Variants in STAC observed in about 807,000 individuals in gnomAD.
The protein encoded by STAC is SH3 and cysteine rich domain.
A neutral mutation model predicts 48.8 loss-of-function variants in STAC; 43 were observed. The ratio of observed to expected loss-of-function variants is 0.88; its 90% CI spans 0.69 to 1.14. The LOEUF (loss-of-function observed/expected upper bound fraction) is 1.14, where lower values mean the gene tolerates loss of function less well. Among genes scored for constraint, STAC ranks in the 50% most tolerant of loss-of-function variants. STAC has a pLI of 0.00. For synonymous variants in STAC, 193 were observed against 179.5 expected, an observed-to-expected ratio of 1.07 and a Z score of -0.60; for missense variants, 497 against 504.0, an observed-to-expected ratio of 0.99 and a Z score of 0.13.
At chr3:36,434,150 C>A (rs1383584127) in intron 1 of STAC, among the ~76,000 whole-genome samples, 1 of 152,182 alleles carries the variant, frequency 6.6e-6, no homozygotes, top group Admixed American at 6.5e-5. Context: ...ACTACACCAT[C>A]AGCCAAACTT....
intron 1 of STAC, among the ~76,000 whole-genome samples, chr3:36,410,031 T>C (rs1700162043): frequency 6.6e-6 from 1 of 152,202 alleles, no homozygotes; most frequent in African/African-American, 2.4e-5. Flanking sequence ...AGTGATTTGC[T>C]GAATTTGTCA....
intron 1 of STAC, among the ~76,000 whole-genome samples, chr3:36,405,268 CCT>C (rs1559479467): frequency 1.3e-5 from 2 of 152,176 alleles, no homozygotes; most frequent in Non-Finnish European, 2.9e-5. Flanking sequence ...GCTTGCTACC[CCT>C]GACTTACTGT....
chr3:36,530,683 C>T (rs1364869793), intron 10 of STAC, among the ~76,000 whole-genome samples: 2 of 150,478 alleles, frequency 1.3e-5, no homozygotes, highest in Non-Finnish European at 3.0e-5. Flanking sequence ...GCAACCTCCA[C>T]CTCCCAGGTT....
chr3:36,482,913 C>T (rs2290530), intron 2 of STAC, 79 bp from the exon 3 acceptor site: 98,736 of 956,518 alleles, frequency 0.1, 6,510 homozygotes, highest in East Asian at 0.28. Context: ...CCTGGGGAAC[C>T]TCATTTTCTG....
chr3:36,424,882 GAATA>G (rs952555431), intron 1 of STAC, among the ~76,000 whole-genome samples: 33 of 151,922 alleles, frequency 2.2e-4, no homozygotes, highest in Non-Finnish European at 3.5e-4. Context: ...ATAACTTAAT[GAATA>G]AATAAATAAA....
chr3:36,533,969 A>T (rs1481161909), intron 10 of STAC, among the ~76,000 whole-genome samples: 1 of 152,216 alleles, frequency 6.6e-6, no homozygotes, highest in Non-Finnish European at 1.5e-5. Flanking sequence ...TAATAAAGAT[A>T]GTATCAATTT....
At chr3:36,396,555 A>G (rs1031573420) in intron 1 of STAC, among the ~76,000 whole-genome samples, 2 of 152,246 alleles carry the variant, frequency 1.3e-5, no homozygotes, top group Admixed American at 6.5e-5. Context: ...ATGCTCAGGA[A>G]AGGAGTCATC....
chr3:36,512,728 G>A (rs1297405650), intron 8 of STAC, among the ~76,000 whole-genome samples: 1 of 152,154 alleles, frequency 6.6e-6, no homozygotes, highest in Non-Finnish European at 1.5e-5. Context: ...CCATTCCCAG[G>A]AGTGAAATGT....
chr3:36,427,293 T>C (rs1700588628), intron 1 of STAC, among the ~76,000 whole-genome samples: 1 of 152,196 alleles, frequency 6.6e-6, no homozygotes, highest in Non-Finnish European at 1.5e-5. Flanking sequence ...CACATCCCAA[T>C]ATGCATCATA....
chr3:36,401,966 C>CTCATTTCACAGATGACAAAACTATAGAGG lies in STAC; in HGVS notation c.111+21214_111+21242dup, dbSNP rs1418008015. On this transcript the variant is annotated intron_variant, in intron 1 of 10. Transcript: ENST00000273183. ...ATTTAGGTACATCATTTTATTTAGT[C>CTCATTTCACAGATGACAAAACTATAGAGG]TCATTTCACAGATGACAAAACTATA... Among the ~76,000 whole-genome samples, 20 of 152,122 alleles carry CTCATTTCACAGATGACAAAACTATAGAGG rather than the reference C, an allele frequency of 1.3e-4. 1 individual carries two copies. Among genetic ancestry groups the CTCATTTCACAGATGACAAAACTATAGAGG allele is most frequent in the African/African-American group, 4.8e-4 (20 of 41,438 alleles).
chr3:36,449,089 A>G (rs1054066459), intron 2 of STAC, among the ~76,000 whole-genome samples: 2 of 152,260 alleles, frequency 1.3e-5, no homozygotes, highest in Admixed American at 1.3e-4. Flanking sequence ...ACTGCACTCC[A>G]GCCTGGGCAA....
intron 1 of STAC, among the ~76,000 whole-genome samples, chr3:36,426,796 T>C (rs1179638055): frequency 6.6e-6 from 1 of 152,186 alleles, no homozygotes; most frequent in Non-Finnish European, 1.5e-5. Flanking sequence ...CCCTCAGCTA[T>C]TAGCTTTATT....
intron 5 of STAC, among the ~76,000 whole-genome samples, chr3:36,487,481 TTC>T (rs1299332853): frequency 6.6e-6 from 1 of 152,214 alleles, no homozygotes; most frequent in African/African-American, 2.4e-5. Flanking sequence ...CATCAGATAG[TTC>T]TTTCTTCTAC....
At chr3:36,531,170 C>A (rs79536445) in intron 10 of STAC, among the ~76,000 whole-genome samples, 1 of 151,994 alleles carries the variant, frequency 6.6e-6, no homozygotes, top group Non-Finnish European at 1.5e-5. Flanking sequence ...GATTTGGTAC[C>A]ACGTATTTAG....
At chr3:36,522,891 A>G (rs941548646) in intron 8 of STAC, among the ~76,000 whole-genome samples, 9 of 152,294 alleles carry the variant, frequency 5.9e-5, no homozygotes, top group Admixed American at 5.9e-4. Context: ...CCAAGACCCC[A>G]CCCTGGAAGA....
At chr3:36,398,336 A>C (rs74571964) in intron 1 of STAC, among the ~76,000 whole-genome samples, 4,809 of 113,150 alleles carry the variant, frequency 0.043, 147 homozygotes, top group Non-Finnish European at 0.068. Context: ...AGAAAGAAAG[A>C]AAGAAAGAAA....
chr3:36,525,296 T>C (rs1376403769), intron 8 of STAC, among the ~76,000 whole-genome samples: 1 of 152,172 alleles, frequency 6.6e-6, no homozygotes, highest in Non-Finnish European at 1.5e-5. Context: ...TGGAGCTCTT[T>C]TTTAGGAAAG....
intron 2 of STAC, among the ~76,000 whole-genome samples, chr3:36,445,366 C>T (rs1244184782): frequency 4.6e-5 from 7 of 152,110 alleles, no homozygotes; most frequent in Non-Finnish European, 8.8e-5. Context: ...AAAGAATCAA[C>T]GAGTCTCACT....
intron 10 of STAC, among the ~76,000 whole-genome samples, chr3:36,531,312 A>G (rs4482623): frequency 0.71 from 108,226 of 152,144 alleles, 38,839 homozygotes; most frequent in African/African-American, 0.78. Context: ...TCATGATGGT[A>G]AGAATTAGGA....
Sources: gnomAD v4.1 joint callset for allele counts (sites outside exome capture counted in the v4.1 genomes callset) on GRCh38, gnomAD v4.1.1 for gene constraint, MANE v1.5 for transcripts, NCBI Gene and HGNC (gene_info 2026-07-23, HGNC 2026-07-21) for gene names.